Variants in IL1RAPL2 observed in about 807,000 individuals in gnomAD.
IL1RAPL2 encodes the protein interleukin 1 receptor accessory protein like 2.
Under a neutral mutation model 44.1 loss-of-function variants are expected in IL1RAPL2, and 3 were observed. The ratio of observed to expected loss-of-function variants is 0.07; its 90% confidence interval spans 0.03 to 0.18. The LOEUF is 0.18. Among genes scored for constraint, IL1RAPL2 ranks in the 10% least tolerant of loss-of-function variants. The pLI, the probability that IL1RAPL2 is intolerant of heterozygous loss-of-function variation, is 1.00. For synonymous variants in IL1RAPL2, 181 were observed against 178.8 expected, an observed-to-expected ratio of 1.01 and a Z score of -0.10; for missense variants, 391 against 496.4, an observed-to-expected ratio of 0.79 and a Z score of 2.02.
chrX:104,800,221 A>G (rs1245779575), intron 2 of IL1RAPL2, among the ~76,000 whole-genome samples: 1 of 111,761 alleles, frequency 8.9e-6, no homozygotes, highest in Admixed American at 9.5e-5. Flanking sequence ...AACTTTGCCT[A>G]ATAACTAGCT....
chrX:105,533,701 A>ATG (rs1286101863), intron 6 of IL1RAPL2, among the ~76,000 whole-genome samples: 1 of 112,399 alleles, frequency 8.9e-6, no homozygotes, highest in Non-Finnish European at 1.9e-5. Context: ...GTCACACAGT[A>ATG]TGTATACCTT....
chrX:105,388,356 ATTT>A (rs772573698), intron 5 of IL1RAPL2, among the ~76,000 whole-genome samples: 1,694 of 61,144 alleles, frequency 0.028, 89 homozygotes, highest in African/African-American at 0.17. Context: ...ACCAAAGCAG[ATTT>A]TTTTTTTTTT....
Position 105,234,006 on chromosome X carries a change from T to C in IL1RAPL2, c.543+2T>C. 1 of 1,188,913 alleles carries C rather than the reference T, an allele frequency of 8.4e-7. No individual in the cohort carries two copies. Among genetic ancestry groups the C allele is most frequent in the Non-Finnish European group, 1.1e-6 (1 of 882,499 alleles). ...GAGCCTGATGTTGTGTGGTATAAGGTAACTCAGCATGGTGTCAAATTCATA... is the reference window on the plus strand; with the variant it reads ...GAGCCTGATGTTGTGTGGTATAAGGCAACTCAGCATGGTGTCAAATTCATA... On this transcript the variant is annotated splice_donor_variant, in intron 4 of 10. Coordinates refer to ENST00000372582, the MANE Select transcript of IL1RAPL2 (RefSeq NM_017416.2). LOFTEE classifies it high-confidence loss of function.
Position 104,594,572 on chromosome X carries a change from T to G in IL1RAPL2, c.-20+27521T>G, listed in dbSNP as rs189804729. 1.2e-3 allele frequency among the ~76,000 whole-genome samples: 133 copies of G among 111,905 alleles called. 1 individual carries two copies. Among genetic ancestry groups the G allele is most frequent in the African/African-American group, 3.9e-3 (119 of 30,792 alleles). ...CTACTATTATGTCAAATAAGACATA[T>G]GTGCTCCTGCCCTTTTAGAACTTAC... On this transcript the variant is annotated intron_variant, in intron 1 of 10. Coordinates refer to ENST00000372582, the MANE Select transcript of IL1RAPL2 (RefSeq NM_017416.2).
At chrX:105,718,565 C>G (rs775256109) in intron 7 of IL1RAPL2, among the ~76,000 whole-genome samples, 134 of 110,868 alleles carry the variant, frequency 1.2e-3, no homozygotes, top group African/African-American at 4.2e-3. Flanking sequence ...AAATGCAAAC[C>G]AAAACCACAT....
At chrX:104,893,938 C>T (rs1248108679) in intron 2 of IL1RAPL2, among the ~76,000 whole-genome samples, 1 of 111,619 alleles carries the variant, frequency 9.0e-6, no homozygotes, top group Non-Finnish European at 1.9e-5. Context: ...TTGTTCCTTT[C>T]CATGTTTAGT....
At chrX:104,795,026 A>G (rs941093006) in intron 2 of IL1RAPL2, among the ~76,000 whole-genome samples, 3 of 111,871 alleles carry the variant, frequency 2.7e-5, no homozygotes, top group Non-Finnish European at 5.6e-5. Flanking sequence ...TGATAAAAAC[A>G]TGGCCTTTAT....
chrX:105,233,093 C>T (rs1429503368), intron 3 of IL1RAPL2, among the ~76,000 whole-genome samples: 2 of 111,672 alleles, frequency 1.8e-5, no homozygotes, highest in East Asian at 5.6e-4. Flanking sequence ...ACCATCCTGG[C>T]TAACAGGGTG....
intron 6 of IL1RAPL2, among the ~76,000 whole-genome samples, chrX:105,614,835 C>T (rs2147828282): frequency 9.0e-6 from 1 of 111,246 alleles, no homozygotes; most frequent in Admixed American, 9.5e-5. Flanking sequence ...AATGGTATCA[C>T]ATCAAGTTAA....
chrX:104,792,741 C>A (rs1367444328), intron 2 of IL1RAPL2, among the ~76,000 whole-genome samples: 1 of 110,917 alleles, frequency 9.0e-6, no homozygotes, highest in African/African-American at 3.3e-5. Flanking sequence ...GATTTTGGGC[C>A]TGGTCACAGT....
At chrX:105,533,617 C>G (rs779018850) in intron 6 of IL1RAPL2, among the ~76,000 whole-genome samples, 53 of 112,450 alleles carry the variant, frequency 4.7e-4, no homozygotes, top group Non-Finnish European at 8.6e-4. Context: ...TTCTCCTTCA[C>G]TATCCCTAAT....
chrX:104,609,930 A>T (rs948362920), intron 1 of IL1RAPL2, among the ~76,000 whole-genome samples: 20 of 111,404 alleles, frequency 1.8e-4, no homozygotes, highest in Non-Finnish European at 3.6e-4. Flanking sequence ...GAGAAGAGGC[A>T]TTCTGTTTTT....
At chrX:105,576,920 A>C (rs2037054388) in intron 6 of IL1RAPL2, among the ~76,000 whole-genome samples, 1 of 111,855 alleles carries the variant, frequency 8.9e-6, no homozygotes, top group Non-Finnish European at 1.9e-5. Flanking sequence ...TTTTCTTAAA[A>C]GTGAAACTAA....
chrX:104,588,778 T>C (rs1486633880), intron 1 of IL1RAPL2, among the ~76,000 whole-genome samples: 1 of 112,223 alleles, frequency 8.9e-6, no homozygotes, highest in East Asian at 2.8e-4. Context: ...TGAATAATCT[T>C]CACTGTGGCT....
chrX:105,297,978 A>G (rs761260745), intron 5 of IL1RAPL2, among the ~76,000 whole-genome samples: 12 of 110,562 alleles, frequency 1.1e-4, no homozygotes, highest in Middle Eastern at 4.7e-3. Context: ...AATTTTTTAA[A>G]ATTTTATTTT....
At chrX:104,889,002 T>A (rs1420149378) in intron 2 of IL1RAPL2, among the ~76,000 whole-genome samples, 1 of 111,362 alleles carries the variant, frequency 9.0e-6, no homozygotes, top group Non-Finnish European at 1.9e-5. Context: ...TTATCAGGCC[T>A]GCCTCTGGGG....
At chrX:104,634,709 C>T (rs1457181402) in intron 1 of IL1RAPL2, among the ~76,000 whole-genome samples, 1 of 111,523 alleles carries the variant, frequency 9.0e-6, no homozygotes, top group African/African-American at 3.3e-5. Context: ...AGATATTCCT[C>T]CATCCCTTTA....
intron 2 of IL1RAPL2, among the ~76,000 whole-genome samples, chrX:105,121,356 A>G (rs185257031): frequency 8.9e-6 from 1 of 111,880 alleles, no homozygotes; most frequent in East Asian, 2.8e-4. Context: ...GTAATGCTAT[A>G]ATTAAGTCAG....
In IL1RAPL2 at chrX:105,104,189, T is replaced by A. The variant is rs1043904431; in HGVS notation, c.83-91286T>A. The stretch of plus-strand genomic sequence containing the variant: ...GACCAGCTATAGTCTCAGAAAAGGA[T>A]TTTGTGCCATTAAAGGTGGGTCATT... On this transcript the variant is annotated intron_variant, in intron 2 of 10. Transcript: ENST00000372582. 8.6e-4 allele frequency among the ~76,000 whole-genome samples: 96 copies of A among 111,053 alleles called. 2 individuals are homozygous for A. The highest frequency in any genetic ancestry group is 8.6e-4 in the Admixed American group (9 of 10,417).
Sources: allele counts gnomAD v4.1 joint callset (sites outside exome capture counted in the v4.1 genomes callset), GRCh38; gene constraint gnomAD v4.1.1; transcripts MANE v1.5; gene names NCBI Gene and HGNC (gene_info 2026-07-23, HGNC 2026-07-21).